Variants in IMMP2L observed in about 807,000 individuals in gnomAD.
IMMP2L encodes mitochondrial inner membrane protease subunit 2.
IMMP2L carries 18 observed loss-of-function variants against 19.3 expected under a neutral mutation model. The ratio of observed to expected loss-of-function variants is 0.93; its 90% CI spans 0.64 to 1.38. The LOEUF (loss-of-function observed/expected upper bound fraction) is 1.38. IMMP2L is among the 40% of genes most tolerant of loss of function. IMMP2L has a pLI of 0.00. For synonymous variants in IMMP2L, 76 were observed against 73.0 expected (o/e 1.04, Z -0.21); for missense variants, 233 against 218.2 (o/e 1.07, Z -0.43).
At chr7:111,113,506 G>T (rs1799487909) in intron 3 of IMMP2L, among the ~76,000 whole-genome samples, 1 of 152,006 alleles carries the variant, frequency 6.6e-6, no homozygotes, top group East Asian at 1.9e-4. Flanking sequence ...ATCAACTCAA[G>T]CTGCAATCAC....
At chr7:111,237,088 A>G (rs1308022195) in intron 3 of IMMP2L, among the ~76,000 whole-genome samples, 2 of 152,214 alleles carry the variant, frequency 1.3e-5, no homozygotes, top group Non-Finnish European at 2.9e-5. Flanking sequence ...ACAAAAAAGA[A>G]CAAATAATAC....
chr7:110,773,914 A>T (rs1449528773), intron 5 of IMMP2L, among the ~76,000 whole-genome samples: 1 of 151,752 alleles, frequency 6.6e-6, no homozygotes. Flanking sequence ...TAAAATAAAA[A>T]AAAAAAAATG....
At chr7:110,895,169 C>T (rs1811198729) in intron 4 of IMMP2L, among the ~76,000 whole-genome samples, 1 of 152,072 alleles carries the variant, frequency 6.6e-6, no homozygotes, top group Non-Finnish European at 1.5e-5. Context: ...CAGGGTAACT[C>T]CCACTTTTTA....
At chr7:111,148,817 T>G (rs1803765358) in intron 3 of IMMP2L, among the ~76,000 whole-genome samples, 1 of 152,004 alleles carries the variant, frequency 6.6e-6, no homozygotes, top group Admixed American at 6.6e-5. Flanking sequence ...TATTGTCAAA[T>G]GATTATACTT....
At chr7:111,205,459 C>A (rs952139503) in intron 3 of IMMP2L, among the ~76,000 whole-genome samples, 1 of 152,094 alleles carries the variant, frequency 6.6e-6, no homozygotes, top group African/African-American at 2.4e-5. Flanking sequence ...TGTCACAGAG[C>A]CAATTTCCTA....
At chr7:111,253,794 G>A (rs1485909700) in intron 3 of IMMP2L, among the ~76,000 whole-genome samples, 2 of 152,150 alleles carry the variant, frequency 1.3e-5, no homozygotes, top group African/African-American at 4.8e-5. Context: ...AAAGTCAAAC[G>A]CCTACAAAAA....
intron 3 of IMMP2L, among the ~76,000 whole-genome samples, chr7:111,094,735 C>A (rs1402230634): frequency 6.6e-6 from 1 of 152,134 alleles, no homozygotes; most frequent in African/African-American, 2.4e-5. Flanking sequence ...TATTGTTAGA[C>A]ATCTACGAAG....
At position 110,796,783 on chromosome 7, in the gene IMMP2L, T is replaced by C. The variant is rs575369833; in HGVS notation, c.408+89810A>G. ...CAAGATCACAGGTGAAAAGATAGGG[T>C]TCCTTCTTTCAATACTTGGTTAATT... On this transcript the variant is annotated intron_variant, in intron 5 of 5. Transcript: ENST00000405709. Among the ~76,000 whole-genome samples, 5 of 152,144 alleles carry C rather than the reference T, an allele frequency of 3.3e-5. No individual in the cohort carries two copies. The East Asian group carries it at 5.8e-4, about 18-fold the overall frequency.
chr7:111,046,241 T>C (rs187091619), intron 3 of IMMP2L, among the ~76,000 whole-genome samples: 1 of 152,104 alleles, frequency 6.6e-6, no homozygotes, highest in East Asian at 1.9e-4. Context: ...ACTGTAGACT[T>C]ACCACAGTAA....
intron 3 of IMMP2L, among the ~76,000 whole-genome samples, chr7:111,083,105 T>C (rs929868373): frequency 2.6e-5 from 4 of 152,196 alleles, no homozygotes; most frequent in Non-Finnish European, 4.4e-5. Flanking sequence ...TAGTTTCATG[T>C]ATACCAATGT....
intron 3 of IMMP2L, among the ~76,000 whole-genome samples, chr7:111,268,571 T>TC (rs1818094491): frequency 2.4e-4 from 4 of 16,658 alleles, no homozygotes; most frequent in African/African-American, 1.3e-3. Context: ...ACATTTCTCT[T>TC]TTTTTTTTTT....
intron 3 of IMMP2L, among the ~76,000 whole-genome samples, chr7:111,167,003 T>A (rs1203784129): frequency 6.6e-6 from 1 of 151,932 alleles, no homozygotes; most frequent in Admixed American, 6.6e-5. Context: ...AATGGACACA[T>A]CATTCGGAGG....
chr7:111,445,435 T>C (rs1420439447), intron 3 of IMMP2L, among the ~76,000 whole-genome samples: 1 of 151,632 alleles, frequency 6.6e-6, no homozygotes, highest in Non-Finnish European at 1.5e-5. Flanking sequence ...CATACATACA[T>C]ACATAAGTTT....
intron 2 of IMMP2L, among the ~76,000 whole-genome samples, chr7:111,519,326 G>A (rs540886847): frequency 2.6e-5 from 4 of 152,224 alleles, no homozygotes; most frequent in East Asian, 3.9e-4. Context: ...TGTCTCACTC[G>A]TGCCTTCCTT....
chr7:111,040,610 C>T (rs1359116919), intron 3 of IMMP2L, among the ~76,000 whole-genome samples: 1 of 150,398 alleles, frequency 6.6e-6, no homozygotes, highest in Non-Finnish European at 1.5e-5. Flanking sequence ...GGTACAGCAG[C>T]ATATCCTAAC....
chr7:111,350,075 C>T (rs1827994409), intron 3 of IMMP2L, among the ~76,000 whole-genome samples: 1 of 151,164 alleles, frequency 6.6e-6, no homozygotes, highest in African/African-American at 2.4e-5. Flanking sequence ...TCAAGGGATT[C>T]TCCTGCCTCA....
At chr7:111,403,003 C>T (rs994319431) in intron 3 of IMMP2L, among the ~76,000 whole-genome samples, 2 of 107,772 alleles carry the variant, frequency 1.9e-5, no homozygotes, top group Admixed American at 8.3e-5. Flanking sequence ...CCCCCCCCCC[C>T]ACCCCGCCAG....
At chr7:111,414,396 A>T (rs1327552610) in intron 3 of IMMP2L, among the ~76,000 whole-genome samples, 1 of 151,960 alleles carries the variant, frequency 6.6e-6, no homozygotes, top group Admixed American at 6.5e-5. Context: ...TAGCCAGCAT[A>T]CTGCTGAAAG....
chr7:111,405,087 A>G (rs923593539), intron 3 of IMMP2L, among the ~76,000 whole-genome samples: 1 of 152,156 alleles, frequency 6.6e-6, no homozygotes, highest in Non-Finnish European at 1.5e-5. Flanking sequence ...GAGCTAAGAC[A>G]TTACAAGTCT....
Sources: gnomAD v4.1 joint callset for allele counts (sites outside exome capture counted in the v4.1 genomes callset) on GRCh38, gnomAD v4.1.1 for gene constraint, MANE v1.5 for transcripts, NCBI Gene and HGNC (gene_info 2026-07-23, HGNC 2026-07-21) for gene names.